Variants in TMC1 observed in about 807,000 individuals in gnomAD.
TMC1 encodes the protein transmembrane channel-like protein 1.
A neutral mutation model predicts 105.8 loss-of-function variants in TMC1; 84 were observed. That is an observed-to-expected ratio of 0.79 (90% confidence interval 0.67 to 0.95). The LOEUF is 0.95. TMC1 is among the 40% of genes least tolerant of loss of function. TMC1 has a pLI of 0.00. For synonymous variants in TMC1, 315 were observed against 311.5 expected (o/e 1.01, Z -0.12); for missense variants, 817 against 914.1 (o/e 0.89, Z 1.37).
intron 8 of TMC1, among the ~76,000 whole-genome samples, chr9:72,725,325 G>GTA (rs57562145): frequency 0.068 from 5,209 of 76,966 alleles, 300 homozygotes; most frequent in East Asian, 0.11. Context: ...ATGTGTGTAT[G>GTA]TATATATATA....
chr9:72,672,698 A>G (rs1826141561), intron 5 of TMC1, among the ~76,000 whole-genome samples: 1 of 152,052 alleles, frequency 6.6e-6, no homozygotes, highest in African/African-American at 2.4e-5. Context: ...GGATACAGAA[A>G]ACCTCCAAAA....
intron 18 of TMC1, among the ~76,000 whole-genome samples, chr9:72,810,159 A>G (rs547116881): frequency 2.1e-4 from 31 of 150,500 alleles, no homozygotes; most frequent in South Asian, 4.2e-4. Flanking sequence ...AAAAAAAACT[A>G]AAATGAGGCT....
Position 72,752,428 on chromosome 9 carries a change from A to G in TMC1, c.642+472A>G, listed in dbSNP as rs147404022. 5.5e-3 allele frequency among the ~76,000 whole-genome samples: 812 copies of G among 147,908 alleles called. 7 individuals carry two copies. The highest frequency in any genetic ancestry group is 9.2e-3 in the Non-Finnish European group (624 of 67,618). The stretch of plus-strand genomic sequence containing the variant: ...AATGAACATTTTCCCCCTAAGATAC[A>G]AAGTAAGATAATGCCCACAACACAC... On this transcript the variant is annotated intron_variant, in intron 11 of 23. Transcript: ENST00000297784.
intron 5 of TMC1, among the ~76,000 whole-genome samples, chr9:72,673,657 ATT>A (rs1379833032): frequency 2.0e-5 from 3 of 152,162 alleles, no homozygotes; most frequent in African/African-American, 7.2e-5. Context: ...AGGCCAATAA[ATT>A]TGACAACTTA....
chr9:72,589,534 G>A (rs762966239), intron 2 of TMC1, among the ~76,000 whole-genome samples: 14 of 152,084 alleles, frequency 9.2e-5, no homozygotes, highest in Admixed American at 6.5e-5. Flanking sequence ...CTCTGGTTGG[G>A]GTTCATTTGG....
intron 1 of TMC1, among the ~76,000 whole-genome samples, chr9:72,577,585 T>G (rs1321482766): frequency 3.3e-5 from 5 of 152,368 alleles, no homozygotes; most frequent in South Asian, 2.1e-4. Flanking sequence ...AAAGCGGGAT[T>G]CTTCCTTGCT....
Position 72,837,214 on chromosome 9 carries a change from T to C in TMC1, c.*1241T>C, listed in dbSNP as rs1280953296. ...ATCCAGCGTTCCTGGAGGAAGGTCA[T>C]ATACTAGTTAAACTCTGCCATTTTG... On this transcript the variant is annotated 3_prime_UTR_variant, in exon 24 of 24. Coordinates refer to ENST00000297784, the MANE Select transcript of TMC1 (RefSeq NM_138691.3). The C allele has an allele frequency of 6.6e-6, 1 of 152,290 alleles. No homozygotes were observed. The highest frequency in any genetic ancestry group is 1.5e-5 in the Non-Finnish European group (1 of 68,094). The allele number at this position is 152,290 out of a possible 1,614,324, so 9.4% of individuals were successfully genotyped here.
In TMC1 at chr9:72,830,651, G is replaced by A. The variant is rs979335324; in HGVS notation, c.2229G>A (p.Met743Ile). 1.9e-6 allele frequency: 3 copies of A among 1,613,436 alleles called. No homozygotes were observed. Among genetic ancestry groups the A allele is most frequent in the Admixed American group, 3.3e-5 (2 of 59,938 alleles). The part of the protein sequence containing the change: ...KMKMQALENK[M>I]RNKKMAAARA... ...TGTAGCAAGCTTTGGAGAACAAAAT[G>A]CGAAACAAGAAAATGGCAGCTGCAC... Residue 743 changes from methionine (M) to isoleucine (I), a missense_variant, in exon 23 of 24, where the codon ATG becomes ATA. Transcript: ENST00000297784.
chr9:72,544,104 C>T (rs1363702839), intron 1 of TMC1, among the ~76,000 whole-genome samples: 2 of 151,880 alleles, frequency 1.3e-5, no homozygotes, highest in Non-Finnish European at 2.9e-5. Flanking sequence ...GCATGTGCCA[C>T]CACACCTCAA....
chr9:72,758,401 C>T (rs1827704456), intron 12 of TMC1, among the ~76,000 whole-genome samples: 1 of 152,088 alleles, frequency 6.6e-6, no homozygotes, highest in South Asian at 2.1e-4. Context: ...ATGTACAAAG[C>T]TTAATTTAAA....
intron 23 of TMC1, among the ~76,000 whole-genome samples, chr9:72,834,023 TTC>T (rs548116348): frequency 1.1e-3 from 171 of 151,792 alleles, no homozygotes; most frequent in Non-Finnish European, 2.0e-3. Context: ...TCCATCCATT[TTC>T]TGTTTTTTTT....
rs1428554142 is a variant in TMC1, at chr9:72,835,947, A to G, written c.2261-4A>G. 1 of 1,550,394 alleles carries G rather than the reference A, an allele frequency of 6.4e-7. No homozygotes were observed. The highest frequency in any genetic ancestry group is 8.7e-7 in the Non-Finnish European group (1 of 1,146,178). ...TTTTTTTTTTTTTTCTGTTTTGTGA[A>G]CAGCTGCAGCTGCTGGTCGCCAGTA... is the stretch of plus-strand genomic sequence containing the variant. On this transcript the variant is annotated splice_region_variant and splice_polypyrimidine_tract_variant and intron_variant, in intron 23 of 23. Coordinates refer to ENST00000297784, the MANE Select transcript of TMC1 (RefSeq NM_138691.3).
chr9:72,629,640 C>A (rs895169785), intron 4 of TMC1, among the ~76,000 whole-genome samples: 54 of 151,986 alleles, frequency 3.6e-4, no homozygotes, highest in African/African-American at 1.3e-3. Context: ...ATAAAGGGAA[C>A]AACATAGACA....
chr9:72,700,423 A>G, intron 7 of TMC1, 95 bp from the exon 8 acceptor site: 1 of 1,113,818 alleles, frequency 9.0e-7, no homozygotes, highest in Non-Finnish European at 1.3e-6. Context: ...TTACATTTAA[A>G]AAAAATGAGC....
intron 12 of TMC1, among the ~76,000 whole-genome samples, chr9:72,771,565 G>A (rs1827926836): frequency 6.6e-6 from 1 of 152,188 alleles, no homozygotes; most frequent in Admixed American, 6.5e-5. Flanking sequence ...ATATTGACAA[G>A]TGATTATCTT....
intron 17 of TMC1, among the ~76,000 whole-genome samples, chr9:72,799,685 A>C (rs1828437165): frequency 1.3e-5 from 2 of 152,196 alleles, no homozygotes; most frequent in African/African-American, 4.8e-5. Context: ...ATAAAATCAA[A>C]GTCATCTGCA....
intron 23 of TMC1, among the ~76,000 whole-genome samples, chr9:72,834,636 C>T (rs1182733934): frequency 6.6e-6 from 1 of 152,134 alleles, no homozygotes. Flanking sequence ...CAGCTTTCAA[C>T]CTACAAATGC....
chr9:72,567,617 A>T (rs1824186871), intron 1 of TMC1, among the ~76,000 whole-genome samples: 1 of 151,918 alleles, frequency 6.6e-6, no homozygotes, highest in African/African-American at 2.4e-5. Flanking sequence ...ATCTCATGAG[A>T]CTCACTCACT....
At chr9:72,667,990 G>A (rs1172369882) in intron 5 of TMC1, among the ~76,000 whole-genome samples, 2 of 149,126 alleles carry the variant, frequency 1.3e-5, no homozygotes, top group Non-Finnish European at 2.9e-5. Flanking sequence ...AAAAATCACA[G>A]TACTTAGTTA....
Sources: allele counts gnomAD v4.1 joint callset (sites outside exome capture counted in the v4.1 genomes callset), GRCh38; gene constraint gnomAD v4.1.1; transcripts MANE v1.5; gene names NCBI Gene and HGNC (gene_info 2026-07-23, HGNC 2026-07-21).